SIGLEC7: variants seen among roughly 807,000 people sequenced by gnomAD.
The protein encoded by SIGLEC7 is sialic acid-binding Ig-like lectin 7.
In SIGLEC7, 33 loss-of-function variants were observed where a neutral mutation model predicts 40.8. The observed-to-expected ratio is 0.81, with a 90% CI of 0.61 to 1.08. SIGLEC7 has a LOEUF of 1.08. SIGLEC7 is among the 50% of genes least tolerant of loss of function. The pLI is 0.00. For synonymous variants in SIGLEC7, 242 were observed against 237.6 expected (o/e 1.02, Z -0.17); for missense variants, 513 against 576.1 (o/e 0.89, Z 1.12).
Position 51,152,320 on chromosome 19 carries a change from A to G in SIGLEC7, c.1222-743A>G, listed in dbSNP as rs554676941. Reference sequence around the variant, plus strand: ...CCAAATAATCCAGGATAACCTCCCCATGTCAATATCCTTAACCTAGCTCCA... The same window carrying G: ...CCAAATAATCCAGGATAACCTCCCCGTGTCAATATCCTTAACCTAGCTCCA... On this transcript the variant is annotated intron_variant, in intron 6 of 6. Transcript: ENST00000317643. 5.9e-5 allele frequency among the ~76,000 whole-genome samples: 9 copies of G among 152,278 alleles called. No individual in the cohort carries two copies. The South Asian group carries it at 1.9e-3, about 32-fold the overall frequency.
rs530347673 is a variant in SIGLEC7, at chr19:51,152,776, T to C, written c.1222-287T>C. 5 of 185,370 alleles carry C rather than the reference T, an allele frequency of 2.7e-5. No homozygotes were observed. In the East Asian group the frequency reaches 6.1e-4, roughly 23 times the overall value. The allele number at this position is 185,370 out of a possible 1,614,324, so 11.5% of individuals were successfully genotyped here. ...GAAGGGACTGGATTGGGTCCCGGCA[T>C]AACAGGGAGTTTGGGTACGCTACTT... On this transcript the variant is annotated intron_variant, in intron 6 of 6. Transcript: ENST00000317643.
chr19:51,142,622 T>C lies in SIGLEC7; in HGVS notation c.253T>C (p.Trp85Arg). ...KAPVATNNPAWAVQEETRDRF... is the reference protein window; with the variant it reads ...KAPVATNNPARAVQEETRDRF... ...TCCAGTGGCCACAAACAACCCAGCT[T>C]GGGCAGTGCAGGAGGAAACTCGGGA... Residue 85 changes from tryptophan to arginine, a missense_variant, in exon 1 of 7, where the codon TGG (tryptophan) becomes CGG (arginine). Physicochemically the swap from Trp to Arg is moderately radical, Grantham distance 101 (BLOSUM62 -3). Transcript: ENST00000317643. This position sits in a 1 kb window ranked among gnomAD's most constrained non-coding sequence, Gnocchi z 5.0. 1 of 1,614,100 alleles carries C rather than the reference T, an allele frequency of 6.2e-7. No homozygotes were observed. Among genetic ancestry groups the C allele is most frequent in the African/African-American group, 1.3e-5 (1 of 75,016 alleles).
At position 51,142,796 on chromosome 19, in the gene SIGLEC7, G is replaced by A. The variant is rs533294268; in HGVS notation, c.427G>A (p.Val143Met). Residue 143 changes from valine (V) to methionine (M), a missense_variant, in exon 1 of 7, where the codon GTG becomes ATG. Transcript: ENST00000317643. This position sits in a 1 kb window ranked among gnomAD's most constrained non-coding sequence, Gnocchi z 5.0. ...TAAATATGACCAGCTCTCTGTGAACGTGACAGGTAAGGCACGGGCTCCAAG... is the reference window on the plus strand; with the variant it reads ...TAAATATGACCAGCTCTCTGTGAACATGACAGGTAAGGCACGGGCTCCAAG... ...NYKYDQLSVN[V>M]TALTHRPNIL... 18 of 1,589,044 alleles carry A rather than the reference G, an allele frequency of 1.1e-5. No individual in the cohort carries two copies. Among genetic ancestry groups the A allele is most frequent in the South Asian group, 7.0e-5 (6 of 86,262 alleles).
intron 1 of SIGLEC7, chr19:51,143,986 T>C: frequency 2.0e-6 from 1 of 494,906 alleles, no homozygotes; most frequent in Admixed American, 2.3e-5. Flanking sequence ...AAGGGATCAA[T>C]ATACAATGGA....
At position 51,148,262 on chromosome 19, in the gene SIGLEC7, G is replaced by A. The variant is rs559755218; in HGVS notation, c.1221+945G>A. The stretch of plus-strand genomic sequence containing the variant: ...ATAAACTCTGGTCAGAGGGGTTTGT[G>A]GTACAGATTATTTTGTCACCCAGGT... On this transcript the variant is annotated intron_variant, in intron 6 of 6. Transcript: ENST00000317643. 2.6e-5 allele frequency among the ~76,000 whole-genome samples: 4 copies of A among 152,236 alleles called. No individual in the cohort carries two copies. In the South Asian group the frequency reaches 8.3e-4, roughly 32 times the overall value.
rs773967401 is a variant in SIGLEC7, at chr19:51,142,605, C to T, written c.236C>T (p.Ala79Val). 32 of 1,614,016 alleles carry T rather than the reference C, an allele frequency of 2.0e-5. No individual in the cohort carries two copies. Among genetic ancestry groups the T allele is most frequent in the African/African-American group, 9.3e-5 (7 of 74,894 alleles). The change falls in exon 1 of 7, where the codon GCC becomes GTC. Residue 79 changes from alanine to valine, a missense_variant. Physicochemically the swap from Ala to Val is moderately conservative, Grantham distance 64. Transcript: ENST00000317643. This position sits in a 1 kb window ranked among gnomAD's most constrained non-coding sequence, Gnocchi z 5.0. ...GNDISWKAPV[A>V]TNNPAWAVQE... ...GATATAAGCTGGAAGGCTCCAGTGG[C>T]CACAAACAACCCAGCTTGGGCAGTG...
rs1301080707 is a variant in SIGLEC7, at chr19:51,153,157, C to T, written c.1316C>T (p.Pro439Leu). The T allele has an allele frequency of 6.2e-7, 1 of 1,610,574 alleles. No homozygotes were observed. Among genetic ancestry groups the T allele is most frequent in the Non-Finnish European group, 8.5e-7 (1 of 1,178,420 alleles). ...GAGGAAAGAGAGATCCAGTATGCAC[C>T]CCTCAGCTTTCATAAGGGGGAGCCT... Reference protein sequence around the residue: ...SGEEREIQYAPLSFHKGEPQD... With the variant: ...SGEEREIQYALLSFHKGEPQD... Residue 439 changes from proline (P) to leucine (L), a missense_variant, in exon 7 of 7, where the codon CCC becomes CTC. Physicochemically the swap from Pro to Leu is moderately conservative, Grantham distance 98 (BLOSUM62 -3). Transcript: ENST00000317643.
In SIGLEC7 at chr19:51,142,689, C is replaced by A. The variant is rs2092076768; in HGVS notation, c.320C>A (p.Thr107Asn). The A allele has an allele frequency of 6.2e-7, 1 of 1,614,046 alleles. No individual in the cohort carries two copies. The highest frequency in any genetic ancestry group is 1.7e-5 in the Admixed American group (1 of 60,002). The change falls in exon 1 of 7, where the codon ACC (threonine) becomes AAC (asparagine). Residue 107 changes from threonine to asparagine, a missense_variant. Thr to Asn is a moderately conservative substitution (Grantham distance 65). Transcript: ENST00000317643. The surrounding 1 kb of genome is among the most constrained non-coding windows in gnomAD (Gnocchi z 5.0). The part of the protein sequence containing the change: ...LLGDPQTKNC[T>N]LSIRDARMSD... ...GGGGACCCACAGACCAAAAATTGCA[C>A]CCTGAGCATCAGAGATGCCAGAATG...
rs558224194 is a variant in SIGLEC7 at position 51,153,090 on chromosome 19, G to T, written c.1249G>T (p.Asp417Tyr). Residue 417 changes from aspartate (D) to tyrosine (Y), a missense_variant, in exon 7 of 7, where the codon GAT becomes TAT. Transcript: ENST00000317643. The stretch of plus-strand genomic sequence containing the variant: ...TAACCTGACTGAGTCCTGGGCAGAT[G>T]ATAACCCCCGACACCATGGCCTGGC... ...QGNLTESWAD[D>Y]NPRHHGLAAH... is the part of the protein sequence containing the mutation. 50 of 1,599,868 alleles carry T rather than the reference G, an allele frequency of 3.1e-5. No individual in the cohort carries two copies. The South Asian group carries it at 5.3e-4, about 17-fold the overall frequency.
chr19:51,153,068 C>A lies in SIGLEC7; in HGVS notation c.1227C>A (p.Asn409Lys). Residue 409 changes from asparagine to lysine, a missense_variant, in exon 7 of 7, where the codon AAC becomes AAA. Asn to Lys is a moderately conservative substitution (Grantham distance 94). Coordinates refer to ENST00000317643, the MANE Select transcript of SIGLEC7 (RefSeq NM_014385.4). ...NTIRGSASQGNLTESWADDNP... is the reference protein window; with the variant it reads ...NTIRGSASQGKLTESWADDNP... ...TCTTCTCTCTCTCCATTCAGGGTAA[C>A]CTGACTGAGTCCTGGGCAGATGATA... is the stretch of plus-strand genomic sequence containing the variant. 6.4e-7 allele frequency: 1 copy of A among 1,564,196 alleles called. No individual in the cohort carries two copies. The highest frequency in any genetic ancestry group is 8.7e-7 in the Non-Finnish European group (1 of 1,155,516).
chr19:51,142,988 C>G lies in SIGLEC7; in HGVS notation c.433+186C>G, dbSNP rs1336818896. Among the ~76,000 whole-genome samples the G allele has an allele frequency of 1.3e-5, 2 of 152,088 alleles. No homozygotes were observed. The highest frequency in any genetic ancestry group is 4.8e-5 in the African/African-American group (2 of 41,418). On this transcript the variant is annotated intron_variant, in intron 1 of 6. Transcript: ENST00000317643. This position sits in a 1 kb window ranked among gnomAD's most constrained non-coding sequence, Gnocchi z 5.0. ...CCTCCTGATCCTGCAGGCCCCTCCC[C>G]TCACCAGCCCTGACCCACAGGCCTG...
chr19:51,146,100 T>C lies in SIGLEC7; in HGVS notation c.1006T>C (p.Ser336Pro). The C allele has an allele frequency of 6.2e-7, 1 of 1,614,132 alleles. No homozygotes were observed. Among genetic ancestry groups the C allele is most frequent in the Non-Finnish European group, 8.5e-7 (1 of 1,180,018 alleles). ...LGSQHVSLNLSLQQEYTGKMR... is the reference protein window; with the variant it reads ...LGSQHVSLNLPLQQEYTGKMR... ...TTCCCAGCACGTTTCCCTGAACCTC[T>C]CCCTGCAACAGGAGTACACAGGTGG... The change falls in exon 4 of 7, where the codon TCC becomes CCC. Residue 336 changes from serine (S) to proline (P), a missense_variant. Coordinates refer to ENST00000317643, the MANE Select transcript of SIGLEC7 (RefSeq NM_014385.4).
chr19:51,152,468 T>G (rs950845570), intron 6 of SIGLEC7, among the ~76,000 whole-genome samples: 1 of 152,192 alleles, frequency 6.6e-6, no homozygotes, highest in African/African-American at 2.4e-5. Flanking sequence ...GACTGAGTTG[T>G]CCTCCCCATA....
At chr19:51,151,583 G>A (rs2092143848) in intron 6 of SIGLEC7, among the ~76,000 whole-genome samples, 1 of 152,176 alleles carries the variant, frequency 6.6e-6, no homozygotes, top group Admixed American at 6.5e-5. Flanking sequence ...TTAAGGTCAG[G>A]GAGACCTGAA....
rs974550675 is a variant in SIGLEC7 at position 51,149,707 on chromosome 19, T to C, written c.1221+2390T>C. Among the ~76,000 whole-genome samples the C allele has an allele frequency of 7.2e-5, 11 of 152,370 alleles. No homozygotes were observed. In the East Asian group the frequency reaches 1.7e-3, roughly 24 times the overall value. ...GTGAAGAATCTCATTGGTAGTTTGA[T>C]AGAAATAGCATTGAATGTATAAATT... is the stretch of plus-strand genomic sequence containing the variant. On this transcript the variant is annotated intron_variant, in intron 6 of 6. Coordinates refer to ENST00000317643, the MANE Select transcript of SIGLEC7 (RefSeq NM_014385.4).
Position 51,144,936 on chromosome 19 carries a change from C to T in SIGLEC7, c.737C>T (p.Thr246Ile), listed in dbSNP as rs149425143. The change falls in exon 3 of 7, where the codon ACT becomes ATT. Residue 246 changes from threonine (T) to isoleucine (I), a missense_variant. By Grantham distance (89) the Thr-to-Ile change is moderately conservative. Coordinates refer to ENST00000317643, the MANE Select transcript of SIGLEC7 (RefSeq NM_014385.4). The part of the protein sequence containing the change: ...VSYPPQNLTV[T>I]VFQGEGTAST... ...GACCCTCCTCAGAACTTGACTGTGACTGTCTTCCAAGGAGAAGGCACAGGT... is the reference window on the plus strand; with the variant it reads ...GACCCTCCTCAGAACTTGACTGTGATTGTCTTCCAAGGAGAAGGCACAGGT... 82 of 1,613,990 alleles carry T rather than the reference C, an allele frequency of 5.1e-5. No individual in the cohort carries two copies. The highest frequency in any genetic ancestry group is 6.6e-5 in the Non-Finnish European group (78 of 1,179,980).
At chr19:51,148,844 C>T (rs1371855346) in intron 6 of SIGLEC7, among the ~76,000 whole-genome samples, 3 of 152,152 alleles carry the variant, frequency 2.0e-5, no homozygotes, top group African/African-American at 7.2e-5. Context: ...CCTTGCCAGC[C>T]TCTGTGATTT....
rs1020495546 is a variant in SIGLEC7, at chr19:51,153,236, C to T, written c.1395C>T (p.Ile465=). Reference sequence around the variant, plus strand: ...ACAATGAGTACTCAGAGATCAAGATCCCCAAGTAAGAAAATGCAGAGGCTC... The same window carrying T: ...ACAATGAGTACTCAGAGATCAAGATTCCCAAGTAAGAAAATGCAGAGGCTC... ...ATNNEYSEIK[I]PK The change falls in exon 7 of 7, where the codon ATC becomes ATT. Residue 465 remains isoleucine, a synonymous_variant. Coordinates refer to ENST00000317643, the MANE Select transcript of SIGLEC7 (RefSeq NM_014385.4). 1 of 1,565,668 alleles carries T rather than the reference C, an allele frequency of 6.4e-7. No individual in the cohort carries two copies. Among genetic ancestry groups the T allele is most frequent in the Admixed American group, 1.9e-5 (1 of 53,440 alleles).
In SIGLEC7 at chr19:51,146,821, C is replaced by T; in HGVS notation, c.1095C>T (p.Val365=). The part of the protein sequence containing the change: ...AVGGAGATAL[V]FLSFCVIFIV... ...GGGGAGCTGGAGCCACAGCCCTGGT[C>T]TTCCTCTCCTTCTGTGTCATCTTCA... The change falls in exon 5 of 7, where the codon GTC becomes GTT. Residue 365 remains valine, a synonymous_variant. Transcript: ENST00000317643. The T allele has an allele frequency of 6.2e-7, 1 of 1,614,070 alleles. No individual in the cohort carries two copies. Among genetic ancestry groups the T allele is most frequent in the South Asian group, 1.1e-5 (1 of 91,082 alleles).
Sources: allele counts gnomAD v4.1 joint callset (sites outside exome capture counted in the v4.1 genomes callset), GRCh38; gene constraint gnomAD v4.1.1; non-coding constraint Gnocchi (gnomAD v3.1); transcripts MANE v1.5; gene names NCBI Gene and HGNC (gene_info 2026-07-23, HGNC 2026-07-21).